Variants in TIAM2 observed in about 807,000 individuals in gnomAD.
The protein encoded by TIAM2 is TIAM Rac1 associated GEF 2, also known as rho guanine nucleotide exchange factor TIAM2.
Under a neutral mutation model 152.9 loss-of-function variants are expected in TIAM2, and 80 were observed. The ratio of observed to expected loss-of-function variants is 0.52; its 90% CI spans 0.44 to 0.63. The LOEUF (loss-of-function observed/expected upper bound fraction) is 0.63. TIAM2 is among the 30% of genes least tolerant of loss of function. The pLI is 0.00. For synonymous variants in TIAM2, 804 were observed against 838.0 expected (o/e 0.96, Z 0.70); for missense variants, 1,965 against 2,120.1 (o/e 0.93, Z 1.44).
At chr6:155,236,801 G>A (rs2115294873) in intron 15 of TIAM2, among the ~76,000 whole-genome samples, 1 of 152,238 alleles carries the variant, frequency 6.6e-6, no homozygotes, top group Non-Finnish European at 1.5e-5. Context: ...GCATGGGAAA[G>A]GCCCACCCCC....
intron 1 of TIAM2, among the ~76,000 whole-genome samples, chr6:155,007,351 G>A (rs1042900796): frequency 4.6e-5 from 7 of 151,710 alleles, no homozygotes; most frequent in Admixed American, 1.3e-4. Flanking sequence ...GTGATCCATG[G>A]TTTGACAGGA....
At chr6:155,018,197 C>T (rs894532849) in intron 1 of TIAM2, among the ~76,000 whole-genome samples, 2 of 147,998 alleles carry the variant, frequency 1.4e-5, no homozygotes, top group Non-Finnish European at 3.0e-5. Context: ...GTGTTCCTGC[C>T]ACTGCACTCC....
At chr6:155,010,604 C>T (rs921115011) in intron 1 of TIAM2, among the ~76,000 whole-genome samples, 6 of 151,962 alleles carry the variant, frequency 3.9e-5, no homozygotes, top group Admixed American at 2.0e-4. Context: ...TACAGGCATG[C>T]GCCACCATGC....
chr6:155,233,738 C>T (rs896549507), intron 15 of TIAM2, among the ~76,000 whole-genome samples: 5 of 152,080 alleles, frequency 3.3e-5, no homozygotes, highest in Admixed American at 1.3e-4. Context: ...GTGGGAGGAT[C>T]GCTGGAGTTC....
rs935592990 is a variant in TIAM2, at chr6:155,189,557, T to C, written c.3064+6057T>C. On this transcript the variant is annotated intron_variant, in intron 14 of 26. Transcript: ENST00000682666. ...ACTAATTTCCTTATAAAACTTAGTT[T>C]TGTTTGATTCTCTTTTTCTTATTCT... Among the ~76,000 whole-genome samples, 2 of 152,316 alleles carry C rather than the reference T, an allele frequency of 1.3e-5. 1 individual carries two copies. The highest frequency in any genetic ancestry group is 1.3e-4 in the Admixed American group (2 of 15,300).
chr6:155,020,870 A>T (rs1776464548), intron 1 of TIAM2, among the ~76,000 whole-genome samples: 1 of 152,056 alleles, frequency 6.6e-6, no homozygotes, highest in Non-Finnish European at 1.5e-5. Flanking sequence ...GAAATTCTGT[A>T]CCCCGTTAAA....
chr6:155,235,088 T>C (rs1782687362), intron 15 of TIAM2, among the ~76,000 whole-genome samples: 1 of 151,938 alleles, frequency 6.6e-6, no homozygotes, highest in African/African-American at 2.4e-5. Flanking sequence ...GAACGGGCCC[T>C]GTGCCATTTA....
At chr6:155,228,198 C>G (rs191525886) in intron 15 of TIAM2, among the ~76,000 whole-genome samples, 4 of 152,100 alleles carry the variant, frequency 2.6e-5, no homozygotes, top group East Asian at 1.9e-4. Context: ...GGGATCTCCC[C>G]CTTCGAGTAT....
chr6:155,094,892 T>C (rs1186584533), intron 2 of TIAM2, among the ~76,000 whole-genome samples: 6 of 151,968 alleles, frequency 3.9e-5, no homozygotes, highest in African/African-American at 1.4e-4. Flanking sequence ...TTCGCTCATA[T>C]ATTTAAATAG....
intron 23 of TIAM2, 32 bp from the exon 24 acceptor site, chr6:155,252,916 A>G (rs756317932): frequency 9.5e-6 from 15 of 1,584,084 alleles, no homozygotes; most frequent in Non-Finnish European, 2.6e-6. Flanking sequence ...CAGCTTCCCT[A>G]ACACTTTTCT....
At chr6:155,180,445 A>G (rs1045098781) in intron 12 of TIAM2, among the ~76,000 whole-genome samples, 7 of 152,168 alleles carry the variant, frequency 4.6e-5, no homozygotes, top group Non-Finnish European at 1.0e-4. Context: ...CTCCATAGAA[A>G]CACTGTTTCT....
At chr6:155,028,208 A>G (rs531152499) in intron 1 of TIAM2, among the ~76,000 whole-genome samples, 1 of 128,722 alleles carries the variant, frequency 7.8e-6, no homozygotes, top group East Asian at 2.2e-4. Flanking sequence ...CATATAATAT[A>G]TGTACTGTGT....
At chr6:155,220,341 T>G (rs931762009) in intron 15 of TIAM2, among the ~76,000 whole-genome samples, 2 of 152,228 alleles carry the variant, frequency 1.3e-5, no homozygotes, top group Admixed American at 1.3e-4. Context: ...TTTTCTCTAT[T>G]AAACATGGAA....
intron 14 of TIAM2, among the ~76,000 whole-genome samples, chr6:155,197,730 A>G (rs1781380144): frequency 6.6e-6 from 1 of 152,028 alleles, no homozygotes; most frequent in African/African-American, 2.4e-5. Context: ...GGGCCGACCA[A>G]AAGGGGGAAA....
chr6:155,082,015 G>C (rs1028625436), intron 1 of TIAM2, among the ~76,000 whole-genome samples: 4 of 152,238 alleles, frequency 2.6e-5, no homozygotes, highest in African/African-American at 4.8e-5. Context: ...GAAGCACTTT[G>C]CTCAATCTAA....
chr6:155,181,089 G>A (rs1003814428), intron 12 of TIAM2, among the ~76,000 whole-genome samples: 1 of 152,182 alleles, frequency 6.6e-6, no homozygotes, highest in African/African-American at 2.4e-5. Flanking sequence ...ATACTCTCTG[G>A]TGAGACCATA....
chr6:155,162,931 G>A (rs921225100), intron 7 of TIAM2, among the ~76,000 whole-genome samples: 17 of 152,182 alleles, frequency 1.1e-4, no homozygotes, highest in Non-Finnish European at 1.5e-5. Flanking sequence ...TAGATCTTGT[G>A]ACTGTTTTTC....
At chr6:155,012,742 G>A (rs1427014597) in intron 1 of TIAM2, among the ~76,000 whole-genome samples, 2 of 152,094 alleles carry the variant, frequency 1.3e-5, no homozygotes, top group Admixed American at 1.3e-4. Flanking sequence ...GTAGAGATGG[G>A]ATTTCACCAT....
rs144287335 is a variant in TIAM2 at position 155,095,854 on chromosome 6, T to C, written c.-118+5475T>C. 2.6e-5 allele frequency among the ~76,000 whole-genome samples: 4 copies of C among 152,330 alleles called. No homozygotes were observed. The East Asian group carries it at 7.7e-4, about 29-fold the overall frequency. On this transcript the variant is annotated intron_variant, in intron 2 of 26. Coordinates refer to ENST00000682666, the MANE Select transcript of TIAM2 (RefSeq NM_012454.4). The stretch of plus-strand genomic sequence containing the variant: ...CTACAATTAGATCTGGGCAGATTAC[T>C]TGCACTTTCTCCAATGTTCCAATAT...
Sources: allele counts gnomAD v4.1 joint callset (sites outside exome capture counted in the v4.1 genomes callset), GRCh38; gene constraint gnomAD v4.1.1; transcripts MANE v1.5; gene names NCBI Gene and HGNC (gene_info 2026-07-23, HGNC 2026-07-21).